Variants in COL4A5 observed in about 807,000 individuals in gnomAD.
COL4A5 encodes collagen alpha-5(IV) chain.
A neutral mutation model predicts 130.2 loss-of-function variants in COL4A5; 26 were observed. The observed-to-expected ratio is 0.20, with a 90% CI of 0.15 to 0.28. The LOEUF is 0.28. Among genes scored for constraint, COL4A5 ranks in the 10% least tolerant of loss-of-function variants. The pLI, the probability that COL4A5 is intolerant of heterozygous loss-of-function variation, is 1.00. For synonymous variants in COL4A5, 496 were observed against 439.6 expected (o/e 1.13, Z -1.60); for missense variants, 1,131 against 1,344.3 (o/e 0.84, Z 2.48).
intron 36 of COL4A5, among the ~76,000 whole-genome samples, chrX:108,648,012 T>C (rs1309177399): frequency 3.6e-5 from 4 of 111,594 alleles, no homozygotes; most frequent in Non-Finnish European, 7.5e-5. Context: ...TTTGCATCAA[T>C]GTTCATCAAG....
chrX:108,621,153 CCTTCT>C (rs201706202), intron 31 of COL4A5, among the ~76,000 whole-genome samples: 8 of 95,821 alleles, frequency 8.3e-5, no homozygotes, highest in African/African-American at 3.3e-4. Flanking sequence ...CTCCTTCCTT[CCTTCT>C]TTTTTTTTTT....
intron 36 of COL4A5, chrX:108,627,629 CT>C: frequency 1.6e-6 from 1 of 620,600 alleles, no homozygotes; most frequent in Non-Finnish European, 1.9e-6. Context: ...AATTTTTTGG[CT>C]TTTTAAAACA....
At chrX:108,463,314 T>C (rs1473586018) in intron 1 of COL4A5, among the ~76,000 whole-genome samples, 1 of 112,002 alleles carries the variant, frequency 8.9e-6, no homozygotes, top group African/African-American at 3.2e-5. Context: ...TCTAAAGCCT[T>C]AATAAAATCA....
At chrX:108,546,604 G>A (rs1205580772) in intron 2 of COL4A5, among the ~76,000 whole-genome samples, 29 of 110,470 alleles carry the variant, frequency 2.6e-4, no homozygotes, top group African/African-American at 8.9e-4. Context: ...TGCTCTTCTC[G>A]AGGAGTATCT....
intron 1 of COL4A5, among the ~76,000 whole-genome samples, chrX:108,515,529 A>G (rs2065212602): frequency 9.0e-6 from 1 of 110,724 alleles, no homozygotes; most frequent in Non-Finnish European, 1.9e-5. Flanking sequence ...TTTCTCACCC[A>G]TGCTTCCACT....
At chrX:108,634,213 C>CAA (rs35480457) in intron 36 of COL4A5, among the ~76,000 whole-genome samples, 4,375 of 66,169 alleles carry the variant, frequency 0.066, 257 homozygotes, top group African/African-American at 0.18. Flanking sequence ...GAAAGTGCAA[C>CAA]AAAAAAAAAA....
chrX:108,483,426 G>A (rs769758258), intron 1 of COL4A5, among the ~76,000 whole-genome samples: 3 of 111,347 alleles, frequency 2.7e-5, no homozygotes, highest in Non-Finnish European at 3.8e-5. Context: ...TGGGAAGCTA[G>A]GCCAATCTCT....
chrX:108,444,566 C>G (rs2064434305), intron 1 of COL4A5, among the ~76,000 whole-genome samples: 1 of 111,797 alleles, frequency 8.9e-6, no homozygotes, highest in Admixed American at 9.5e-5. Context: ...GAATCAGAAT[C>G]TTTTCTCCAA....
intron 1 of COL4A5, among the ~76,000 whole-genome samples, chrX:108,466,987 T>G (rs899352104): frequency 8.9e-6 from 1 of 112,328 alleles, no homozygotes; most frequent in African/African-American, 3.2e-5. Flanking sequence ...TTTTTTTCAC[T>G]TTTGTGATAA....
intron 36 of COL4A5, among the ~76,000 whole-genome samples, chrX:108,641,917 A>G (rs767625574): frequency 3.7e-3 from 417 of 112,037 alleles, no homozygotes; most frequent in Non-Finnish European, 6.2e-3. Context: ...GCATGAATCC[A>G]GTGTGCAGAC....
chrX:108,643,752 A>AACAG (rs2067515578), intron 36 of COL4A5, among the ~76,000 whole-genome samples: 1 of 112,085 alleles, frequency 8.9e-6, no homozygotes, highest in African/African-American at 3.2e-5. Flanking sequence ...AACACATAAA[A>AACAG]ACAGAACCTC....
intron 1 of COL4A5, among the ~76,000 whole-genome samples, chrX:108,474,358 C>T (rs1356242750): frequency 3.6e-5 from 4 of 111,713 alleles, no homozygotes; most frequent in Non-Finnish European, 5.6e-5. Context: ...TACATACTTA[C>T]CATTGTGTTA....
chrX:108,481,516 T>G (rs2064891442), intron 1 of COL4A5, among the ~76,000 whole-genome samples: 1 of 111,699 alleles, frequency 9.0e-6, no homozygotes. Context: ...CTGTATAATT[T>G]AAGTAGGAAT....
chrX:108,592,677 C>T (rs1229455494), intron 21 of COL4A5, among the ~76,000 whole-genome samples: 1 of 109,412 alleles, frequency 9.1e-6, no homozygotes, highest in Admixed American at 9.8e-5. Context: ...TTTTTGCTTG[C>T]TTTTTGCCTT....
At chrX:108,658,139 T>C (rs1268151937) in intron 37 of COL4A5, among the ~76,000 whole-genome samples, 1 of 111,283 alleles carries the variant, frequency 9.0e-6, no homozygotes, top group Non-Finnish European at 1.9e-5. Flanking sequence ...TTTCTAGTCA[T>C]ACTATAATGG....
intron 1 of COL4A5, among the ~76,000 whole-genome samples, chrX:108,454,733 G>GT (rs1306561584): frequency 1.8e-5 from 2 of 111,011 alleles, no homozygotes; most frequent in East Asian, 2.8e-4. Flanking sequence ...CTAAGATTCT[G>GT]TTTTTTCTGG....
intron 29 of COL4A5, among the ~76,000 whole-genome samples, chrX:108,611,202 C>A (rs1048986651): frequency 9.0e-6 from 1 of 111,071 alleles, no homozygotes; most frequent in African/African-American, 3.3e-5. Flanking sequence ...TAATACTCAT[C>A]ATGATATATC....
At chrX:108,477,135 C>G (rs1035637773) in intron 1 of COL4A5, among the ~76,000 whole-genome samples, 5 of 111,492 alleles carry the variant, frequency 4.5e-5, no homozygotes, top group Admixed American at 3.8e-4. Context: ...CCCACTGACT[C>G]AAATGTTAAT....
chrX:108,626,311 A>G lies in COL4A5; in HGVS notation c.3208A>G (p.Ile1070Val), dbSNP rs770332090. 9.1e-6 allele frequency: 11 copies of G among 1,209,267 alleles called. No individual in the cohort carries two copies. The African/African-American group carries it at 1.4e-4, about 15-fold the overall frequency. ...GQKGDKGDPG[I>V]SSIGLPGLPG... ...GAAAGGCGACAAAGGTGATCCTGGT[A>G]TTTCAAGCATTGGTCTTCCAGGTCT... Residue 1070 changes from isoleucine (I) to valine (V), a missense_variant, in exon 36 of 53, where the codon ATT becomes GTT. By Grantham distance (29) the Ile-to-Val change is conservative. Transcript: ENST00000328300.
Sources: gnomAD v4.1 joint callset for allele counts (sites outside exome capture counted in the v4.1 genomes callset) on GRCh38, gnomAD v4.1.1 for gene constraint, MANE v1.5 for transcripts, NCBI Gene and HGNC (gene_info 2026-07-23, HGNC 2026-07-21) for gene names.